The following CADM1 variants were observed in gnomAD, a reference collection of about 807,000 sequenced individuals.
The protein encoded by CADM1 is cell adhesion molecule 1.
In CADM1, 15 loss-of-function variants were observed where a neutral mutation model predicts 53.1. The observed-to-expected ratio is 0.28, with a 90% CI of 0.19 to 0.44. The LOEUF is 0.44. CADM1 is among the 20% of genes least tolerant of loss of function. The pLI is 1.00. For synonymous variants in CADM1, 281 were observed against 243.0 expected (o/e 1.16, Z -1.45); for missense variants, 434 against 611.3 (o/e 0.71, Z 3.06).
Position 115,311,501 on chromosome 11 carries a change from G to A in CADM1, c.125-71081C>T, listed in dbSNP as rs766788304. 8.6e-5 allele frequency among the ~76,000 whole-genome samples: 13 copies of A among 151,702 alleles called. 1 individual carries two copies. The highest frequency in any genetic ancestry group is 2.4e-4 in the African/African-American group (10 of 41,320). On this transcript the variant is annotated intron_variant, in intron 1 of 11. Transcript: ENST00000331581. The stretch of plus-strand genomic sequence containing the variant: ...GGAAAATCTGCCCCTAGTGTAGACC[G>A]TGGGTTTCATATCCCGTAAATACTA...
intron 1 of CADM1, among the ~76,000 whole-genome samples, chr11:115,441,664 C>T (rs1038952339): frequency 5.3e-5 from 8 of 152,120 alleles, no homozygotes; most frequent in Admixed American, 3.9e-4. Context: ...ATGCTACAGG[C>T]TAATATCCAG....
intron 1 of CADM1, among the ~76,000 whole-genome samples, chr11:115,373,714 T>C (rs1358961609): frequency 1.3e-5 from 2 of 150,892 alleles, no homozygotes; most frequent in Non-Finnish European, 3.0e-5. Context: ...AAATAGTTCG[T>C]AAAAAATAGA....
At chr11:115,337,965 A>G (rs1257297921) in intron 1 of CADM1, among the ~76,000 whole-genome samples, 1 of 152,164 alleles carries the variant, frequency 6.6e-6, no homozygotes, top group Non-Finnish European at 1.5e-5. Context: ...GAAATAACCT[A>G]AGCTCAAAGC....
intron 1 of CADM1, among the ~76,000 whole-genome samples, chr11:115,401,948 C>T (rs1947168511): frequency 6.6e-6 from 1 of 151,838 alleles, no homozygotes; most frequent in African/African-American, 2.4e-5. Flanking sequence ...TTTAAAACTG[C>T]TACAAAAAAT....
chr11:115,444,940 G>A (rs1011954735), intron 1 of CADM1, among the ~76,000 whole-genome samples: 103 of 152,172 alleles, frequency 6.8e-4, no homozygotes, highest in African/African-American at 2.3e-3. Context: ...GGGCAGGCAC[G>A]TGGAGGGGTG....
At chr11:115,268,121 A>G (rs1206278864) in intron 1 of CADM1, among the ~76,000 whole-genome samples, 1 of 152,182 alleles carries the variant, frequency 6.6e-6, no homozygotes, top group Non-Finnish European at 1.5e-5. Flanking sequence ...GCATTGAATC[A>G]TTCACACCAC....
chr11:115,219,532 C>T (rs1358055703), intron 5 of CADM1, among the ~76,000 whole-genome samples: 1 of 152,190 alleles, frequency 6.6e-6, no homozygotes. Flanking sequence ...CTCCAGCTGA[C>T]CCTTGCAAGT....
intron 1 of CADM1, among the ~76,000 whole-genome samples, chr11:115,363,366 T>G: frequency 6.6e-6 from 1 of 152,198 alleles, no homozygotes; most frequent in East Asian, 1.9e-4. Flanking sequence ...GGACCAAGGT[T>G]GATTAGGGGT....
At chr11:115,373,445 T>G (rs1200186798) in intron 1 of CADM1, among the ~76,000 whole-genome samples, 1 of 149,412 alleles carries the variant, frequency 6.7e-6, no homozygotes, top group South Asian at 2.1e-4. Context: ...AGTAGCAGGG[T>G]GTGGTGGTGC....
chr11:115,198,642 C>T (rs891796887), intron 8 of CADM1, among the ~76,000 whole-genome samples: 6 of 152,174 alleles, frequency 3.9e-5, no homozygotes, highest in African/African-American at 1.2e-4. Context: ...CTCAAAGCTG[C>T]GAGCCAGTGA....
intron 1 of CADM1, among the ~76,000 whole-genome samples, chr11:115,241,919 A>T (rs570527737): frequency 6.6e-6 from 1 of 152,238 alleles, no homozygotes; most frequent in African/African-American, 2.4e-5. Flanking sequence ...AGATGCAATT[A>T]GAATAAATGG....
intron 10 of CADM1, among the ~76,000 whole-genome samples, chr11:115,182,788 G>A (rs12807135): frequency 2.0e-5 from 3 of 151,990 alleles, no homozygotes; most frequent in East Asian, 3.9e-4. Context: ...CCTGCCTGTC[G>A]TGTCCCATCC....
chr11:115,475,297 G>T, intron 1 of CADM1, among the ~76,000 whole-genome samples: 1 of 151,230 alleles, frequency 6.6e-6, no homozygotes, highest in African/African-American at 2.4e-5. Flanking sequence ...CTCTACCTTA[G>T]GCTAAGAATT....
At chr11:115,440,386 T>C (rs1948282592) in intron 1 of CADM1, among the ~76,000 whole-genome samples, 1 of 152,190 alleles carries the variant, frequency 6.6e-6, no homozygotes, top group South Asian at 2.1e-4. Flanking sequence ...TATTTCCCAA[T>C]CTCCAGCATT....
intron 1 of CADM1, among the ~76,000 whole-genome samples, chr11:115,473,245 G>C (rs1949055501): frequency 6.6e-6 from 1 of 152,172 alleles, no homozygotes; most frequent in Non-Finnish European, 1.5e-5. Context: ...GATCGCTTGA[G>C]GGCAGGAGTT....
At chr11:115,262,744 G>T (rs959853539) in intron 1 of CADM1, among the ~76,000 whole-genome samples, 1 of 151,518 alleles carries the variant, frequency 6.6e-6, no homozygotes, top group Non-Finnish European at 1.5e-5. Context: ...GATAAATGAG[G>T]ATTCATTTTA....
chr11:115,180,587 T>C (rs1243262652), intron 10 of CADM1, among the ~76,000 whole-genome samples: 5 of 151,988 alleles, frequency 3.3e-5, no homozygotes, highest in Admixed American at 3.3e-4. Flanking sequence ...ACCCCCATTG[T>C]CTTGAAAGTC....
chr11:115,295,550 A>ATATATATATATATATATATATT (rs371584699), intron 1 of CADM1, among the ~76,000 whole-genome samples: 1 of 53,004 alleles, frequency 1.9e-5, no homozygotes, highest in African/African-American at 1.3e-4. Context: ...ATATATATAT[A>ATATATATATATATATATATATT]ATATATATGT....
At chr11:115,428,581 A>G (rs537500684) in intron 1 of CADM1, among the ~76,000 whole-genome samples, 3 of 152,154 alleles carry the variant, frequency 2.0e-5, no homozygotes, top group Non-Finnish European at 4.4e-5. Context: ...CCCCAAATCA[A>G]TATGTTGTGT....
Sources: allele counts gnomAD v4.1 joint callset (sites outside exome capture counted in the v4.1 genomes callset), GRCh38; gene constraint gnomAD v4.1.1; transcripts MANE v1.5; gene names NCBI Gene and HGNC (gene_info 2026-07-23, HGNC 2026-07-21).